The following CCDC175 variants were observed in gnomAD, a reference collection of about 807,000 sequenced individuals.
CCDC175 encodes coiled-coil domain containing 175.
In CCDC175, 100 loss-of-function variants were observed where a neutral mutation model predicts 114.6. The observed-to-expected ratio is 0.87, with a 90% confidence interval of 0.74 to 1.03. The LOEUF is 1.03. CCDC175 is among the 50% of genes least tolerant of loss of function. The probability of loss-of-function intolerance (pLI) is 0.00; values close to 1 mark genes in which losing one functional copy is unlikely to be tolerated. For synonymous variants in CCDC175, 306 were observed against 308.7 expected (o/e 0.99, Z 0.09); for missense variants, 880 against 917.8 (o/e 0.96, Z 0.53).
At chr14:59,565,656 G>A (rs1258925211) in intron 4 of CCDC175, among the ~76,000 whole-genome samples, 1 of 151,864 alleles carries the variant, frequency 6.6e-6, no homozygotes, top group Admixed American at 6.6e-5. Flanking sequence ...GCAGTGAGCC[G>A]AGATCATGCC....
rs185367978 is a variant in CCDC175, at chr14:59,553,891, G to A, written c.954-2455C>T. 6.3e-3 allele frequency among the ~76,000 whole-genome samples: 956 copies of A among 152,252 alleles called. 9 individuals carry two copies. Among genetic ancestry groups the A allele is most frequent in the African/African-American group, 0.022 (900 of 41,546 alleles). On this transcript the variant is annotated intron_variant, in intron 7 of 19. Transcript: ENST00000537690. ...GAAGGCCATTACATAATGGTAAAGG[G>A]ATCAATTCAACATGAAGAGCTAACT...
intron 17 of CCDC175, among the ~76,000 whole-genome samples, chr14:59,514,334 G>C (rs1892935499): frequency 6.6e-6 from 1 of 152,224 alleles, no homozygotes; most frequent in Non-Finnish European, 1.5e-5. Flanking sequence ...TTGATGAGTT[G>C]AGAGAAGAAG....
At chr14:59,566,367 G>C (rs1209144436) in intron 4 of CCDC175, among the ~76,000 whole-genome samples, 6 of 152,160 alleles carry the variant, frequency 3.9e-5, no homozygotes, top group Admixed American at 1.3e-4. Flanking sequence ...TTTTCCTTTT[G>C]CTAGTCCTCA....
Position 59,505,202 on chromosome 14 carries a change from G to T in CCDC175, c.*37C>A. 1 of 1,122,202 alleles carries T rather than the reference G, an allele frequency of 8.9e-7. No homozygotes were observed. Among genetic ancestry groups the T allele is most frequent in the Non-Finnish European group, 1.2e-6 (1 of 803,348 alleles). 69.5% of individuals were successfully genotyped at this position (1,122,202 alleles called of 1,614,324 possible). On this transcript the variant is annotated 3_prime_UTR_variant, in exon 20 of 20. Transcript: ENST00000537690. ...AAGTGCACTCACTTTTCCTGTAGTA[G>T]TCTGTCTTTTGAATTCACAGCAGTT...
chr14:59,538,900 GA>G, intron 11 of CCDC175, 60 bp from the exon 12 acceptor site: 1 of 1,455,638 alleles, frequency 6.9e-7, no homozygotes, highest in Non-Finnish European at 9.1e-7. Context: ...CTAAAAAGAT[GA>G]AGAAATTCAA....
chr14:59,539,193 G>A (rs1003676558), intron 11 of CCDC175, among the ~76,000 whole-genome samples: 8 of 152,288 alleles, frequency 5.3e-5, no homozygotes, highest in East Asian at 1.9e-4. Flanking sequence ...CTAAATTACC[G>A]GATGTGCTAC....
At chr14:59,557,627 A>T (rs1446585070) in intron 7 of CCDC175, among the ~76,000 whole-genome samples, 1 of 101,376 alleles carries the variant, frequency 9.9e-6, no homozygotes, top group Non-Finnish European at 2.5e-5. Context: ...AACAAAAAGA[A>T]AAAGAAAAAA....
intron 2 of CCDC175, 120 bp downstream of exon 2, chr14:59,574,823 T>G: frequency 1.8e-6 from 1 of 542,288 alleles, no homozygotes; most frequent in Non-Finnish European, 3.2e-6. Flanking sequence ...TATTTTTAAG[T>G]TCAGGGTAAC....
At chr14:59,548,683 G>A (rs1895262669) in intron 8 of CCDC175, among the ~76,000 whole-genome samples, 1 of 152,160 alleles carries the variant, frequency 6.6e-6, no homozygotes, top group Admixed American at 6.5e-5. Flanking sequence ...AGACAAATTC[G>A]AAACCAACCA....
intron 10 of CCDC175, among the ~76,000 whole-genome samples, chr14:59,542,022 T>G (rs1894822191): frequency 6.6e-6 from 1 of 152,196 alleles, no homozygotes; most frequent in African/African-American, 2.4e-5. Context: ...ATTCCAGATA[T>G]CTGTTGGTAT....
intron 19 of CCDC175, 48 bp downstream of exon 19, chr14:59,510,598 A>G (rs1270890055): frequency 1.3e-6 from 2 of 1,513,870 alleles, no homozygotes; most frequent in South Asian, 1.2e-5. Flanking sequence ...GCTATATAGT[A>G]AAATAGCAGG....
At chr14:59,567,058 T>C (rs896000319) in intron 4 of CCDC175, among the ~76,000 whole-genome samples, 1 of 152,302 alleles carries the variant, frequency 6.6e-6, no homozygotes, top group Non-Finnish European at 1.5e-5. Context: ...GCCCTCCAGA[T>C]GATTCTGATG....
chr14:59,539,349 G>A (rs377033161), intron 11 of CCDC175, among the ~76,000 whole-genome samples: 4 of 152,092 alleles, frequency 2.6e-5, no homozygotes, highest in South Asian at 2.1e-4. Context: ...AGGCCGAGGC[G>A]GGCAGATCAC....
chr14:59,528,660 A>C (rs1329764570), intron 14 of CCDC175, among the ~76,000 whole-genome samples: 1 of 152,078 alleles, frequency 6.6e-6, no homozygotes, highest in Non-Finnish European at 1.5e-5. Context: ...TAATGTAAGC[A>C]TTATTCACTG....
chr14:59,508,972 C>A (rs1021805307), intron 19 of CCDC175, among the ~76,000 whole-genome samples: 16 of 152,172 alleles, frequency 1.1e-4, no homozygotes, highest in South Asian at 1.0e-3. Context: ...ATAGCAAGTT[C>A]TGCATAAACA....
At chr14:59,540,029 C>G (rs1894673738) in intron 11 of CCDC175, among the ~76,000 whole-genome samples, 1 of 152,076 alleles carries the variant, frequency 6.6e-6, no homozygotes, top group Admixed American at 6.5e-5. Context: ...CGAGATGGCA[C>G]CACTGCACTC....
intron 17 of CCDC175, among the ~76,000 whole-genome samples, chr14:59,513,288 T>G (rs1331917930): frequency 6.6e-6 from 1 of 152,152 alleles, no homozygotes; most frequent in East Asian, 1.9e-4. Context: ...GGTACTGGGT[T>G]CATCTCACTG....
At chr14:59,541,283 T>C (rs576827123) in intron 10 of CCDC175, among the ~76,000 whole-genome samples, 2 of 152,218 alleles carry the variant, frequency 1.3e-5, no homozygotes, top group Non-Finnish European at 2.9e-5. Flanking sequence ...AAAGCCAATA[T>C]AGTTTCTTGA....
chr14:59,519,502 T>A (rs557795101), intron 17 of CCDC175, among the ~76,000 whole-genome samples: 1 of 152,218 alleles, frequency 6.6e-6, no homozygotes, highest in Non-Finnish European at 1.5e-5. Context: ...AAATGTTTAC[T>A]CTTTCTGAGA....
Sources: allele counts gnomAD v4.1 joint callset (sites outside exome capture counted in the v4.1 genomes callset), GRCh38; gene constraint gnomAD v4.1.1; transcripts MANE v1.5; gene names NCBI Gene and HGNC (gene_info 2026-07-23, HGNC 2026-07-21).